The following MAP4K4 variants were observed in gnomAD, a reference collection of about 807,000 sequenced individuals.
MAP4K4 encodes the protein HPK/GCK-like kinase HGK.
In MAP4K4, 38 loss-of-function variants were observed where a neutral mutation model predicts 189.6. The observed-to-expected ratio is 0.20, with a 90% CI of 0.15 to 0.26. The LOEUF (loss-of-function observed/expected upper bound fraction) is 0.26, where lower values mean the gene tolerates loss of function less well. MAP4K4 is among the 10% of genes least tolerant of loss of function. MAP4K4 has a pLI of 1.00. For missense variants in MAP4K4, 1,054 were observed against 1,726.9 expected, an observed-to-expected ratio of 0.61 and a Z score of 6.91; for synonymous variants, 610 against 624.3, an observed-to-expected ratio of 0.98 and a Z score of 0.34.
intron 22 of MAP4K4, 112 bp downstream of exon 22, chr2:101,869,909 T>C: frequency 7.3e-7 from 1 of 1,367,368 alleles, no homozygotes; most frequent in Non-Finnish European, 9.7e-7. Context: ...ACTTACTATG[T>C]AGTTCTCGTG....
intron 2 of MAP4K4, among the ~76,000 whole-genome samples, chr2:101,785,667 TTTC>T (rs1558912646): frequency 3.6e-5 from 2 of 55,240 alleles, no homozygotes; most frequent in African/African-American, 2.6e-4. Flanking sequence ...TTCTTCTTTC[TTTC>T]TTTCTCCCTC....
intron 15 of MAP4K4, 185 bp from the exon 16 acceptor site, chr2:101,860,640 T>C: frequency 1.9e-6 from 1 of 521,016 alleles, no homozygotes; most frequent in Non-Finnish European, 3.3e-6. Flanking sequence ...AAATATTTTC[T>C]TTTTCCTGAA....
At position 101,868,013 on chromosome 2, in the gene MAP4K4, C is replaced by CTGCGCTG; in HGVS notation, c.2455-14_2455-8dup. On this transcript the variant is annotated splice_polypyrimidine_tract_variant and intron_variant, in intron 20 of 32. Transcript: ENST00000324219. ...CGATGGCTTCTCGGACTCCACGAAA[C>CTGCGCTG]TGCGCTGTACTGAAGGGCGAAGTGG... The CTGCGCTG allele has an allele frequency of 1.2e-6, 2 of 1,613,316 alleles. No individual in the cohort carries two copies. Among genetic ancestry groups the CTGCGCTG allele is most frequent in the Non-Finnish European group, 1.7e-6 (2 of 1,179,692 alleles).
chr2:101,845,063 C>A (rs1483695897), intron 12 of MAP4K4, among the ~76,000 whole-genome samples: 3 of 151,930 alleles, frequency 2.0e-5, no homozygotes, highest in Non-Finnish European at 2.9e-5. Flanking sequence ...CTGCAACCAC[C>A]TAAGCTAGGA....
chr2:101,782,376 G>A (rs2088098210), intron 2 of MAP4K4, among the ~76,000 whole-genome samples: 1 of 152,170 alleles, frequency 6.6e-6, no homozygotes, highest in South Asian at 2.1e-4. Context: ...TAAGGTAGCT[G>A]CGACCTAAGA....
intron 2 of MAP4K4, among the ~76,000 whole-genome samples, chr2:101,763,105 C>T (rs918263216): frequency 9.2e-5 from 14 of 152,166 alleles, no homozygotes; most frequent in South Asian, 2.1e-4. Flanking sequence ...GCTGTGACCT[C>T]GGGCAATGCA....
chr2:101,836,267 T>C (rs1042411961), intron 9 of MAP4K4, among the ~76,000 whole-genome samples: 1 of 152,188 alleles, frequency 6.6e-6, no homozygotes, highest in African/African-American at 2.4e-5. Context: ...AAGTGTAATA[T>C]ACTTCTAAAC....
At chr2:101,700,028 T>C (rs1019931044) in intron 2 of MAP4K4, among the ~76,000 whole-genome samples, 21 of 152,200 alleles carry the variant, frequency 1.4e-4, no homozygotes, top group African/African-American at 4.8e-4. Context: ...TAACCCAGTT[T>C]TTTCTCGCCA....
intron 2 of MAP4K4, 72 bp downstream of exon 2, chr2:101,698,610 TAAACA>T: frequency 7.0e-7 from 1 of 1,436,898 alleles, no homozygotes; most frequent in Non-Finnish European, 9.8e-7. Flanking sequence ...GAGAGGGTGA[TAAACA>T]TGCTGCTGAC....
At chr2:101,858,950 C>T in intron 13 of MAP4K4, 46 bp from the exon 14 acceptor site, 1 of 1,465,644 alleles carries the variant, frequency 6.8e-7, no homozygotes, top group Non-Finnish European at 9.5e-7. Flanking sequence ...GGTTCTGATG[C>T]TTTTCTTTGG....
At chr2:101,698,198 C>T (rs1285106610) in intron 1 of MAP4K4, 61 bp downstream of exon 1, 8 of 845,748 alleles carry the variant, frequency 9.5e-6, no homozygotes, top group African/African-American at 9.3e-5. Context: ...CAGCCGGGGC[C>T]GCGCCCAGGT....
intron 23 of MAP4K4, 139 bp downstream of exon 23, chr2:101,870,554 G>A (rs1414285961): frequency 1.6e-6 from 2 of 1,227,872 alleles, no homozygotes; most frequent in African/African-American, 3.0e-5. Context: ...AGTGTCGAGT[G>A]TCGGGGGCTA....
At chr2:101,744,865 T>C (rs1164434601) in intron 2 of MAP4K4, among the ~76,000 whole-genome samples, 1 of 152,192 alleles carries the variant, frequency 6.6e-6, no homozygotes, top group East Asian at 1.9e-4. Flanking sequence ...TGAGTTATTC[T>C]GAATAGCCAG....
chr2:101,880,263 C>T (rs1053852242), intron 27 of MAP4K4, among the ~76,000 whole-genome samples: 1 of 152,134 alleles, frequency 6.6e-6, no homozygotes, highest in Non-Finnish European at 1.5e-5. Context: ...AAAGTCATTG[C>T]CAAATCCAGA....
chr2:101,765,424 G>T (rs1374806823), intron 2 of MAP4K4, among the ~76,000 whole-genome samples: 1 of 152,118 alleles, frequency 6.6e-6, no homozygotes, highest in African/African-American at 2.4e-5. Flanking sequence ...CCATCTCCCG[G>T]GCTCAGGTGA....
At chr2:101,851,665 T>A (rs1045524080) in intron 12 of MAP4K4, among the ~76,000 whole-genome samples, 48 of 151,298 alleles carry the variant, frequency 3.2e-4, no homozygotes, top group Admixed American at 9.9e-4. Context: ...TTGCTCTCGA[T>A]CTAGTTTACC....
At chr2:101,829,940 C>T (rs959339688) in intron 6 of MAP4K4, among the ~76,000 whole-genome samples, 1 of 152,298 alleles carries the variant, frequency 6.6e-6, no homozygotes, top group Non-Finnish European at 1.5e-5. Context: ...GGATCTGACC[C>T]GTGCTACTTT....
chr2:101,865,146 A>AT, intron 18 of MAP4K4, 110 bp downstream of exon 18: 1 of 636,974 alleles, frequency 1.6e-6, no homozygotes, highest in Non-Finnish European at 2.7e-6. Flanking sequence ...GGGCTAAGAG[A>AT]TTATCAGTTA....
At chr2:101,887,269 G>T in intron 30 of MAP4K4, 32 bp downstream of exon 30, 1 of 1,577,570 alleles carries the variant, frequency 6.3e-7, no homozygotes, top group South Asian at 1.2e-5. Context: ...ATGGTTGGTT[G>T]ACTGGCTTCA....
Sources: gnomAD v4.1 joint callset for allele counts (sites outside exome capture counted in the v4.1 genomes callset) on GRCh38, gnomAD v4.1.1 for gene constraint, MANE v1.5 for transcripts, NCBI Gene and HGNC (gene_info 2026-07-23, HGNC 2026-07-21) for gene names.